Variants in NALF1 observed in about 807,000 individuals in gnomAD.
The protein encoded by NALF1 is NALCN channel auxiliary factor 1.
Under a neutral mutation model 48.4 loss-of-function variants are expected in NALF1, and 3 were observed. The ratio of observed to expected loss-of-function variants is 0.06; its 90% CI spans 0.03 to 0.16. The LOEUF (loss-of-function observed/expected upper bound fraction) is 0.16. NALF1 is among the 10% of genes least tolerant of loss of function. The pLI is 1.00. For missense variants in NALF1, 526 were observed against 571.5 expected, an observed-to-expected ratio of 0.92 and a Z score of 0.81; for synonymous variants, 262 against 245.7, an observed-to-expected ratio of 1.07 and a Z score of -0.62.
chr13:107,475,729 G>A lies in NALF1; in HGVS notation c.916-264974C>T, dbSNP rs116627086. On this transcript the variant is annotated intron_variant, in intron 1 of 2. Coordinates refer to ENST00000375915, the MANE Select transcript of NALF1 (RefSeq NM_001080396.3). ...AGAAACTACTAAAGAAATTCTCAGG[G>A]AATTCTTGTCTCTTCTAGTCAATAA... Among the ~76,000 whole-genome samples, 343 of 152,168 alleles carry A rather than the reference G, an allele frequency of 2.3e-3. 4 individuals are homozygous for A. Among genetic ancestry groups the A allele is most frequent in the African/African-American group, 8.0e-3 (334 of 41,530 alleles).
intron 1 of NALF1, among the ~76,000 whole-genome samples, chr13:107,596,855 G>A (rs1878768095): frequency 6.6e-6 from 1 of 152,044 alleles, no homozygotes; most frequent in South Asian, 2.1e-4. Flanking sequence ...TTTCATTCGT[G>A]TTCATTTCTA....
chr13:107,448,882 T>C (rs1261065595), intron 1 of NALF1, among the ~76,000 whole-genome samples: 1 of 152,178 alleles, frequency 6.6e-6, no homozygotes, highest in Non-Finnish European at 1.5e-5. Context: ...TGACGGGACT[T>C]TTGCTAGCAG....
At chr13:107,440,234 G>A (rs760770648) in intron 1 of NALF1, among the ~76,000 whole-genome samples, 1 of 152,130 alleles carries the variant, frequency 6.6e-6, no homozygotes, top group Non-Finnish European at 1.5e-5. Flanking sequence ...CGACAAGAGT[G>A]GAGTACTGTA....
At chr13:107,831,417 C>T (rs9555415) in intron 1 of NALF1, among the ~76,000 whole-genome samples, 3,556 of 152,102 alleles carry the variant, frequency 0.023, 100 homozygotes, top group South Asian at 0.09. Flanking sequence ...AATATAGCAG[C>T]ATTGTATAAT....
intron 1 of NALF1, among the ~76,000 whole-genome samples, chr13:107,487,249 G>A (rs1479608157): frequency 2.6e-5 from 4 of 152,030 alleles, no homozygotes; most frequent in Non-Finnish European, 5.9e-5. Flanking sequence ...AAATTATCTG[G>A]AGTAACTAAG....
intron 1 of NALF1, among the ~76,000 whole-genome samples, chr13:107,817,013 C>T (rs1011253103): frequency 1.3e-5 from 2 of 152,066 alleles, no homozygotes; most frequent in Non-Finnish European, 2.9e-5. Context: ...TATTTTTAAT[C>T]TCTTCAGAAC....
At chr13:107,659,144 C>CACACACAT (rs1555315963) in intron 1 of NALF1, among the ~76,000 whole-genome samples, 2 of 151,736 alleles carry the variant, frequency 1.3e-5, no homozygotes, top group East Asian at 3.9e-4. Context: ...CACACACACA[C>CACACACAT]GCACTCAAAC....
At chr13:107,669,302 T>C (rs1471292684) in intron 1 of NALF1, among the ~76,000 whole-genome samples, 1 of 152,104 alleles carries the variant, frequency 6.6e-6, no homozygotes, top group Non-Finnish European at 1.5e-5. Context: ...GTAATCAGAA[T>C]TTACTCTTAA....
At chr13:107,317,212 T>C (rs1594117575) in intron 1 of NALF1, among the ~76,000 whole-genome samples, 1 of 152,144 alleles carries the variant, frequency 6.6e-6, no homozygotes, top group East Asian at 1.9e-4. Flanking sequence ...AGAATCAAGG[T>C]TGTAATATAA....
At chr13:107,467,319 TAC>T (rs1385348404) in intron 1 of NALF1, among the ~76,000 whole-genome samples, 1 of 152,234 alleles carries the variant, frequency 6.6e-6, no homozygotes, top group African/African-American at 2.4e-5. Flanking sequence ...AATAGATATA[TAC>T]TTTCATTACT....
chr13:107,822,978 TA>T (rs1363555646), intron 1 of NALF1, among the ~76,000 whole-genome samples: 1 of 152,174 alleles, frequency 6.6e-6, no homozygotes, highest in Admixed American at 6.5e-5. Context: ...CCAGTAGCCA[TA>T]AAAAATAATC....
intron 1 of NALF1, among the ~76,000 whole-genome samples, chr13:107,348,728 T>A (rs972109200): frequency 2.0e-5 from 3 of 152,104 alleles, no homozygotes; most frequent in Non-Finnish European, 4.4e-5. Context: ...TAGTGACAAG[T>A]CATATATTTT....
chr13:107,615,395 T>C (rs1176382094), intron 1 of NALF1, among the ~76,000 whole-genome samples: 15 of 152,154 alleles, frequency 9.9e-5, no homozygotes, highest in Non-Finnish European at 1.6e-4. Context: ...GCATAATTAT[T>C]TTCCCCATGA....
intron 1 of NALF1, among the ~76,000 whole-genome samples, chr13:107,284,837 C>A (rs934728248): frequency 6.6e-6 from 1 of 152,084 alleles, no homozygotes; most frequent in African/African-American, 2.4e-5. Flanking sequence ...CATGCTGGAG[C>A]CTTCGTCTTG....
chr13:107,468,831 A>G (rs1885049930), intron 1 of NALF1, among the ~76,000 whole-genome samples: 1 of 152,152 alleles, frequency 6.6e-6, no homozygotes, highest in Non-Finnish European at 1.5e-5. Flanking sequence ...TTTAAAGAAG[A>G]TAATTATTTT....
chr13:107,483,403 A>G (rs901127522), intron 1 of NALF1, among the ~76,000 whole-genome samples: 44 of 152,300 alleles, frequency 2.9e-4, no homozygotes, highest in African/African-American at 1.0e-3. Flanking sequence ...TTGACAGCAC[A>G]TTAGATTTGG....
At chr13:107,307,129 T>A (rs1392969856) in intron 1 of NALF1, among the ~76,000 whole-genome samples, 2 of 152,244 alleles carry the variant, frequency 1.3e-5, no homozygotes, top group East Asian at 3.8e-4. Context: ...ATCAAAGCCA[T>A]GCTATTTCCA....
intron 2 of NALF1, among the ~76,000 whole-genome samples, chr13:107,205,238 A>T (rs1024510281): frequency 6.7e-6 from 1 of 149,378 alleles, no homozygotes; most frequent in African/African-American, 2.5e-5. Flanking sequence ...ATTCCCACCT[A>T]TGAGAACATC....
At chr13:107,548,320 G>A (rs1188044825) in intron 1 of NALF1, among the ~76,000 whole-genome samples, 1 of 152,092 alleles carries the variant, frequency 6.6e-6, no homozygotes, top group Admixed American at 6.6e-5. Flanking sequence ...TTTTATGGCT[G>A]CGCAGTATTC....
Sources: allele counts gnomAD v4.1 joint callset (sites outside exome capture counted in the v4.1 genomes callset), GRCh38; gene constraint gnomAD v4.1.1; transcripts MANE v1.5; gene names NCBI Gene and HGNC (gene_info 2026-07-23, HGNC 2026-07-21).